The following DNAH3 variants were observed in gnomAD, a reference collection of about 807,000 sequenced individuals.
DNAH3 encodes dynein axonemal heavy chain 3.
A neutral mutation model predicts 432.5 loss-of-function variants in DNAH3; 332 were observed. That is an observed-to-expected ratio of 0.77 (90% CI 0.70 to 0.84). The LOEUF is 0.84. Among genes scored for constraint, DNAH3 ranks in the 40% least tolerant of loss-of-function variants. DNAH3 has a pLI of 0.00. For synonymous variants in DNAH3, 1,956 were observed against 1,900.2 expected (o/e 1.03, Z -0.76); for missense variants, 4,861 against 5,114.0 (o/e 0.95, Z 1.51).
In DNAH3 at chr16:20,954,883, C is replaced by T; in HGVS notation, c.11001G>A (p.Trp3667Ter). 1 of 1,614,170 alleles carries T rather than the reference C, an allele frequency of 6.2e-7. No homozygotes were observed. The highest frequency in any genetic ancestry group is 1.1e-5 in the South Asian group (1 of 91,080). The change falls in exon 55 of 62, where the codon TGG becomes TGA. Residue 3667 changes from tryptophan to a stop codon, truncating the protein, a stop_gained. Coordinates refer to ENST00000261383, the Ensembl canonical transcript of DNAH3. LOFTEE classifies it high-confidence loss of function. ...AACAAAGGCCAAATAACATCTTTTG[C>T]CACATCACCGCCTTTGCACAGCTTT...
chr16:20,959,110 C>A, intron 54 of DNAH3, 69 bp downstream of exon 54: 1 of 1,518,034 alleles, frequency 6.6e-7, no homozygotes, highest in Non-Finnish European at 9.1e-7. Context: ...TCTTGGTCAT[C>A]TTCCCAGCCA....
In DNAH3 at chr16:20,959,310, C is replaced by T. The variant is rs1567528819; in HGVS notation, c.10695G>A (p.Met3565Ile). The T allele has an allele frequency of 1.9e-6, 3 of 1,614,200 alleles. No individual in the cohort carries two copies. In the African/African-American group the frequency reaches 4.0e-5, roughly 22 times the overall value. ...TCCCGTCTTTGATGGCATTGTTGAT[C>T]ATTTTGGCAGCAATAGGGCCTTGGC... The change falls in exon 54 of 62, where the codon ATG becomes ATA. Residue 3565 changes from methionine to isoleucine, a missense_variant. Met to Ile is a conservative substitution (Grantham distance 10). Coordinates refer to ENST00000261383, the Ensembl canonical transcript of DNAH3.
chr16:21,051,095 A>G (rs1567702511), intron 29 of DNAH3, among the ~76,000 whole-genome samples: 1 of 152,252 alleles, frequency 6.6e-6, no homozygotes, highest in African/African-American at 2.4e-5. Flanking sequence ...AGGATTTTGA[A>G]GGGAGAAAAT....
intron 31 of DNAH3, among the ~76,000 whole-genome samples, chr16:21,042,830 C>T (rs187870192): frequency 1.3e-5 from 2 of 152,158 alleles, no homozygotes; most frequent in South Asian, 2.1e-4. Flanking sequence ...ACTCCCACCA[C>T]CCCACAACGG....
At chr16:21,051,560 G>A (rs2089954354) in intron 29 of DNAH3, 110 bp downstream of exon 29, 8 of 1,085,480 alleles carry the variant, frequency 7.4e-6, no homozygotes, top group Non-Finnish European at 6.8e-6. Flanking sequence ...CTAATAATCT[G>A]AAGTGTGAAG....
intron 40 of DNAH3, among the ~76,000 whole-genome samples, chr16:21,020,807 G>A (rs1440618929): frequency 1.3e-5 from 2 of 152,010 alleles, no homozygotes; most frequent in Non-Finnish European, 2.9e-5. Context: ...TCATATTGCT[G>A]TGCGACCATC....
intron 41 of DNAH3, among the ~76,000 whole-genome samples, chr16:21,009,827 AT>A (rs1407650243): frequency 6.8e-6 from 1 of 147,630 alleles, no homozygotes; most frequent in African/African-American, 2.5e-5. Flanking sequence ...GTGAGCCGTG[AT>A]GAGCCGTGAC....
intron 11 of DNAH3, chr16:21,120,649 T>C (rs111827468): frequency 8.3e-6 from 8 of 966,464 alleles, no homozygotes; most frequent in South Asian, 6.7e-5. Flanking sequence ...CGTAAAGTCA[T>C]TGGTATTCAC....
chr16:21,061,927 A>G (rs1330920669), intron 25 of DNAH3, among the ~76,000 whole-genome samples: 1 of 152,200 alleles, frequency 6.6e-6, no homozygotes, highest in Non-Finnish European at 1.5e-5. Flanking sequence ...GCTGCAGTTT[A>G]TACGCGTGGG....
intron 44 of DNAH3, among the ~76,000 whole-genome samples, chr16:20,988,957 G>A (rs1033624712): frequency 1.3e-5 from 2 of 152,084 alleles, no homozygotes; most frequent in African/African-American, 4.8e-5. Context: ...GTGGACTCGT[G>A]GTCTCGCTGG....
chr16:20,983,430 TAC>T (rs1257188589), intron 48 of DNAH3, among the ~76,000 whole-genome samples: 1 of 151,922 alleles, frequency 6.6e-6, no homozygotes, highest in African/African-American at 2.4e-5. Flanking sequence ...CTGAGTCTAT[TAC>T]CTTCTAACTG....
At chr16:20,973,292 A>G (rs4238739) in intron 51 of DNAH3, among the ~76,000 whole-genome samples, 76,399 of 151,568 alleles carry the variant, frequency 0.5, 19,489 homozygotes, top group South Asian at 0.61. Flanking sequence ...TTGCTCTGTC[A>G]CTGAGGCTGG....
intron 1 of DNAH3, among the ~76,000 whole-genome samples, chr16:21,154,119 T>C (rs560972546): frequency 7.0e-4 from 107 of 152,300 alleles, no homozygotes; most frequent in African/African-American, 2.5e-3. Context: ...AAAATTAGAA[T>C]GGGGCCAGGC....
At chr16:21,051,976 A>T in intron 28 of DNAH3, 108 bp from the exon 29 acceptor site, 1 of 829,652 alleles carries the variant, frequency 1.2e-6, no homozygotes, top group Non-Finnish European at 1.9e-6. Flanking sequence ...CATTCTCCAA[A>T]CTATTTTATT....
At chr16:21,081,551 C>A in intron 20 of DNAH3, 85 bp downstream of exon 20, 1 of 1,112,970 alleles carries the variant, frequency 9.0e-7, no homozygotes, top group Non-Finnish European at 1.3e-6. Flanking sequence ...AAACAAACAG[C>A]CCGATATGGA....
intron 1 of DNAH3, among the ~76,000 whole-genome samples, chr16:21,146,392 C>T (rs1415732877): frequency 1.3e-5 from 2 of 152,094 alleles, no homozygotes; most frequent in African/African-American, 2.4e-5. Context: ...CCTGTCTCTA[C>T]TAAAAATACA....
In DNAH3 at chr16:20,986,485, T is replaced by TG. The variant is rs1218406450; in HGVS notation, c.7027-771dup. 3.3e-5 allele frequency among the ~76,000 whole-genome samples: 5 copies of TG among 152,064 alleles called. 1 individual carries two copies. In the South Asian group the frequency reaches 8.3e-4, roughly 25 times the overall value. ...TCATACCATTGCACTCCAGCCTGGG[T>TG]GACAGAGTGAGGTCCTACCTCTAAA... On this transcript the variant is annotated intron_variant, in intron 47 of 61. Transcript: ENST00000261383.
intron 39 of DNAH3, among the ~76,000 whole-genome samples, chr16:21,022,508 C>G (rs1170196108): frequency 6.6e-6 from 1 of 152,086 alleles, no homozygotes; most frequent in Non-Finnish European, 1.5e-5. Flanking sequence ...AGGTGGGACT[C>G]CTGTATAAAT....
At chr16:21,056,704 G>A (rs910364498) in intron 27 of DNAH3, among the ~76,000 whole-genome samples, 1 of 152,156 alleles carries the variant, frequency 6.6e-6, no homozygotes, top group Non-Finnish European at 1.5e-5. Flanking sequence ...AGGATACGGA[G>A]ACACATCACA....
Sources: gnomAD v4.1 joint callset for allele counts (sites outside exome capture counted in the v4.1 genomes callset) on GRCh38, gnomAD v4.1.1 for gene constraint, MANE v1.5 for transcripts, NCBI Gene and HGNC (gene_info 2026-07-23, HGNC 2026-07-21) for gene names.